Variants in ITGA9 observed in about 807,000 individuals in gnomAD.
ITGA9 encodes integrin subunit alpha 9.
In ITGA9, 56 loss-of-function variants were observed where a neutral mutation model predicts 127.8. The observed-to-expected ratio is 0.44, with a 90% CI of 0.35 to 0.55. The LOEUF is 0.55. Ranked by LOEUF, ITGA9 falls within the 20% of genes least tolerant of loss-of-function variation. The pLI is 0.00. For synonymous variants in ITGA9, 508 were observed against 514.5 expected (o/e 0.99, Z 0.17); for missense variants, 1,196 against 1,347.1 (o/e 0.89, Z 1.76).
intron 15 of ITGA9, among the ~76,000 whole-genome samples, chr3:37,555,002 A>G (rs1699416597): frequency 6.6e-6 from 1 of 152,112 alleles, no homozygotes; most frequent in Non-Finnish European, 1.5e-5. Flanking sequence ...TGATGAGATC[A>G]CCCAGGGTGT....
intron 15 of ITGA9, among the ~76,000 whole-genome samples, chr3:37,548,876 A>G (rs1399169816): frequency 6.6e-6 from 1 of 152,198 alleles, no homozygotes; most frequent in African/African-American, 2.4e-5. Context: ...CCTGGTCTGT[A>G]GGTAGCATAG....
intron 15 of ITGA9, among the ~76,000 whole-genome samples, chr3:37,564,419 A>T (rs1476992527): frequency 6.6e-6 from 1 of 152,194 alleles, no homozygotes; most frequent in Non-Finnish European, 1.5e-5. Context: ...GACTTCCATT[A>T]GTCCTGTTGT....
At chr3:37,621,111 A>G (rs1700123548) in intron 15 of ITGA9, among the ~76,000 whole-genome samples, 2 of 152,216 alleles carry the variant, frequency 1.3e-5, no homozygotes, top group African/African-American at 4.8e-5. Context: ...TTCTTATGGT[A>G]GTGAATAAGT....
At chr3:37,598,537 GGA>G (rs1699888876) in intron 15 of ITGA9, among the ~76,000 whole-genome samples, 1 of 152,172 alleles carries the variant, frequency 6.6e-6, no homozygotes, top group Admixed American at 6.5e-5. Flanking sequence ...ATGTCCAGTG[GGA>G]GAGTCAGGGG....
At chr3:37,513,960 G>A in intron 9 of ITGA9, 60 bp downstream of exon 9, 2 of 1,606,132 alleles carry the variant, frequency 1.2e-6, no homozygotes, top group Non-Finnish European at 8.5e-7. Context: ...TGTCCAGCCA[G>A]CAGTGGCCGA....
At chr3:37,808,674 C>T (rs1466716743) in intron 27 of ITGA9, 1 of 152,224 alleles carries the variant, frequency 6.6e-6, no homozygotes, top group Non-Finnish European at 1.5e-5. Flanking sequence ...TCCCACATGA[C>T]ATTGAGTGAG....
At chr3:37,680,325 T>A (rs1417946956) in intron 17 of ITGA9, among the ~76,000 whole-genome samples, 1 of 152,164 alleles carries the variant, frequency 6.6e-6, no homozygotes, top group Non-Finnish European at 1.5e-5. Flanking sequence ...GTCAAAGACT[T>A]TTTTAGCTTT....
At chr3:37,666,920 A>G (rs1700591922) in intron 17 of ITGA9, among the ~76,000 whole-genome samples, 1 of 152,160 alleles carries the variant, frequency 6.6e-6, no homozygotes, top group African/African-American at 2.4e-5. Context: ...TTGTACCCCA[A>G]TTCCTGAGAT....
At chr3:37,602,463 A>G (rs1391603377) in intron 15 of ITGA9, among the ~76,000 whole-genome samples, 1 of 152,110 alleles carries the variant, frequency 6.6e-6, no homozygotes, top group Non-Finnish European at 1.5e-5. Context: ...CAGGCAGCAA[A>G]CTCTAGGGAC....
At chr3:37,656,647 T>C (rs1420384392) in intron 17 of ITGA9, among the ~76,000 whole-genome samples, 1 of 152,228 alleles carries the variant, frequency 6.6e-6, no homozygotes, top group East Asian at 1.9e-4. Flanking sequence ...CAGAGACAAT[T>C]TGACTTCCTC....
chr3:37,747,829 A>G (rs1045535966), intron 22 of ITGA9, among the ~76,000 whole-genome samples: 1 of 151,796 alleles, frequency 6.6e-6, no homozygotes, highest in African/African-American at 2.4e-5. Flanking sequence ...CCTGGGCTCA[A>G]GCAATCCTCC....
chr3:37,786,098 C>T (rs192142268), intron 26 of ITGA9, among the ~76,000 whole-genome samples: 5 of 152,234 alleles, frequency 3.3e-5, no homozygotes, highest in East Asian at 3.9e-4. Context: ...AGACAGCAGC[C>T]GATGCACTTC....
intron 17 of ITGA9, among the ~76,000 whole-genome samples, chr3:37,671,757 T>G (rs1700639050): frequency 6.6e-6 from 1 of 152,152 alleles, no homozygotes; most frequent in African/African-American, 2.4e-5. Flanking sequence ...TCTCTGGAGT[T>G]AATAACCATA....
At position 37,775,037 on chromosome 3, in the gene ITGA9, A is replaced by T. The variant is rs544976427; in HGVS notation, c.2542-2355A>T. Among the ~76,000 whole-genome samples the T allele has an allele frequency of 1.5e-3, 226 of 152,264 alleles. 1 individual carries two copies. Among genetic ancestry groups the T allele is most frequent in the Non-Finnish European group, 2.2e-3 (150 of 68,042 alleles). ...AAACTGACCAATAGAATCTAATTAAACTGAAGAGCTTCTACACAGCAAAAG... is the reference window on the plus strand; with the variant it reads ...AAACTGACCAATAGAATCTAATTAATCTGAAGAGCTTCTACACAGCAAAAG... On this transcript the variant is annotated intron_variant, in intron 23 of 27. Transcript: ENST00000264741.
At chr3:37,651,889 T>G (rs1700432465) in intron 16 of ITGA9, among the ~76,000 whole-genome samples, 2 of 152,098 alleles carry the variant, frequency 1.3e-5, no homozygotes, top group Non-Finnish European at 2.9e-5. Context: ...ACATGCCAGA[T>G]CTGGCAGCCT....
chr3:37,571,056 GAAGAA>G (rs1699595088), intron 15 of ITGA9, among the ~76,000 whole-genome samples: 1 of 152,226 alleles, frequency 6.6e-6, no homozygotes, highest in Non-Finnish European at 1.5e-5. Flanking sequence ...TGGTAATTTA[GAAGAA>G]AAGAACAAGC....
At position 37,799,481 on chromosome 3, in the gene ITGA9, G is replaced by T. The variant is rs1697211195; in HGVS notation, c.2890-4342G>T. Among the ~76,000 whole-genome samples, 1 of 152,110 alleles carries T rather than the reference G, an allele frequency of 6.6e-6. No individual in the cohort carries two copies. Among genetic ancestry groups the T allele is most frequent in the Non-Finnish European group, 1.5e-5 (1 of 68,008 alleles). The stretch of plus-strand genomic sequence containing the variant: ...GCATTTCAGGAGGCAAGAGCAGCCT[G>T]CAGAGAGGCTGGGGACCACCGGTCT... On this transcript the variant is annotated intron_variant, in intron 26 of 27. Coordinates refer to ENST00000264741, the MANE Select transcript of ITGA9 (RefSeq NM_002207.3). The surrounding 1 kb of genome is among the most constrained non-coding windows in gnomAD (Gnocchi z 4.0).
chr3:37,594,092 T>A (rs1329556040), intron 15 of ITGA9, among the ~76,000 whole-genome samples: 2 of 152,120 alleles, frequency 1.3e-5, no homozygotes, highest in Admixed American at 1.3e-4. Context: ...GGGCCAAGGG[T>A]GACAAGGTTG....
chr3:37,486,159 T>A (rs1698608197), intron 4 of ITGA9, among the ~76,000 whole-genome samples: 1 of 152,238 alleles, frequency 6.6e-6, no homozygotes, highest in Admixed American at 6.5e-5. Flanking sequence ...GGAGTGAGAC[T>A]GCAAACAAGT....
Sources: allele counts gnomAD v4.1 joint callset (sites outside exome capture counted in the v4.1 genomes callset), GRCh38; gene constraint gnomAD v4.1.1; non-coding constraint Gnocchi (gnomAD v3.1); transcripts MANE v1.5; gene names NCBI Gene and HGNC (gene_info 2026-07-23, HGNC 2026-07-21).